The following PPP1R16B variants were observed in gnomAD, a reference collection of about 807,000 sequenced individuals.
PPP1R16B encodes the protein protein phosphatase 1 regulatory subunit 16B.
PPP1R16B carries 14 observed loss-of-function variants against 61.7 expected under a neutral mutation model. The observed-to-expected ratio is 0.23, with a 90% CI of 0.15 to 0.35. PPP1R16B has a LOEUF of 0.35. Among genes scored for constraint, PPP1R16B ranks in the 10% least tolerant of loss-of-function variants. The pLI, the probability that PPP1R16B is intolerant of heterozygous loss-of-function variation, is 1.00. For synonymous variants in PPP1R16B, 266 were observed against 305.3 expected (o/e 0.87, Z 1.34); for missense variants, 547 against 752.5 (o/e 0.73, Z 3.19).
At chr20:38,811,954 C>T (rs1453596595) in intron 1 of PPP1R16B, among the ~76,000 whole-genome samples, 4 of 152,172 alleles carry the variant, frequency 2.6e-5, no homozygotes, top group Non-Finnish European at 4.4e-5. Context: ...AGTTGGCCAG[C>T]GTGATCAGCA....
chr20:38,904,266 T>A (rs1254886185), intron 6 of PPP1R16B, among the ~76,000 whole-genome samples: 2 of 152,128 alleles, frequency 1.3e-5, no homozygotes, highest in African/African-American at 4.8e-5. Context: ...TGTCATTGGG[T>A]CCTCTAGACA....
At chr20:38,899,794 A>C (rs2085377166) in intron 4 of PPP1R16B, among the ~76,000 whole-genome samples, 1 of 151,444 alleles carries the variant, frequency 6.6e-6, no homozygotes, top group African/African-American at 2.4e-5. Flanking sequence ...AACCTGTCTG[A>C]GTCTTTTTTT....
intron 2 of PPP1R16B, among the ~76,000 whole-genome samples, chr20:38,873,747 T>G (rs1002830212): frequency 4.0e-5 from 6 of 150,556 alleles, no homozygotes; most frequent in African/African-American, 9.8e-5. Context: ...TTTTTTGTTT[T>G]TTTTTTTTTG....
intron 2 of PPP1R16B, among the ~76,000 whole-genome samples, chr20:38,850,080 T>C (rs957430662): frequency 7.9e-5 from 12 of 152,238 alleles, no homozygotes; most frequent in African/African-American, 2.9e-4. Flanking sequence ...GAAATGTCTC[T>C]GAGAAGACGA....
chr20:38,868,905 TTAAAA>T (rs1183387700), intron 2 of PPP1R16B, among the ~76,000 whole-genome samples: 1 of 152,224 alleles, frequency 6.6e-6, no homozygotes, highest in Non-Finnish European at 1.5e-5. Flanking sequence ...AAATATATCA[TTAAAA>T]TATCACCTGT....
chr20:38,900,534 A>T (rs747748949), intron 4 of PPP1R16B, 47 bp from the exon 5 acceptor site: 1 of 1,519,406 alleles, frequency 6.6e-7, no homozygotes, highest in Non-Finnish European at 9.0e-7. Flanking sequence ...AGCTAGACCA[A>T]CCCTAGCCAC....
chr20:38,896,286 T>C lies in PPP1R16B; in HGVS notation c.467+576T>C, dbSNP rs1327914990. Among the ~76,000 whole-genome samples the C allele has an allele frequency of 2.8e-5, 4 of 144,074 alleles. No individual in the cohort carries two copies. The Admixed American group carries it at 2.8e-4, about 10-fold the overall frequency. The allele number at this position is 144,074 out of a possible 152,430, so 94.5% of individuals were successfully genotyped here. On this transcript the variant is annotated intron_variant, in intron 4 of 10. Coordinates refer to ENST00000299824, the MANE Select transcript of PPP1R16B (RefSeq NM_015568.4). ...CCTTTCTTCTTTCTTCCCTTCCTCC[T>C]TCCCTCCTTTTCTGCTTTTCTTCCT... is the stretch of plus-strand genomic sequence containing the variant.
In PPP1R16B at chr20:38,918,542, C is replaced by T. The variant is rs570477795; in HGVS notation, c.1580C>T (p.Pro527Leu). 1.1e-5 allele frequency: 18 copies of T among 1,576,250 alleles called. No individual in the cohort carries two copies. Among genetic ancestry groups the T allele is most frequent in the African/African-American group, 5.4e-5 (4 of 74,038 alleles). ...KAPLIGGRTS[P>L]YSSNGTSVYY... ...CCCTTGATCGGAGGCAGAACTTCACCGTACAGCAGCAATGGGACCTCGGTA... is the reference window on the plus strand; with the variant it reads ...CCCTTGATCGGAGGCAGAACTTCACTGTACAGCAGCAATGGGACCTCGGTA... Residue 527 changes from proline to leucine, a missense_variant, in exon 11 of 11, where the codon CCG (proline) becomes CTG (leucine). Coordinates refer to ENST00000299824, the MANE Select transcript of PPP1R16B (RefSeq NM_015568.4). The surrounding 1 kb of genome is among the most constrained non-coding windows in gnomAD (Gnocchi z 5.3).
intron 2 of PPP1R16B, among the ~76,000 whole-genome samples, chr20:38,867,338 G>C (rs1395058433): frequency 6.6e-6 from 1 of 152,198 alleles, no homozygotes; most frequent in Non-Finnish European, 1.5e-5. Flanking sequence ...ATCCACCAGG[G>C]ACAGATGAGC....
intron 2 of PPP1R16B, among the ~76,000 whole-genome samples, chr20:38,880,678 A>G (rs915443758): frequency 5.3e-5 from 8 of 152,210 alleles, no homozygotes; most frequent in Middle Eastern, 3.2e-3. Flanking sequence ...AAAGAAAAAA[A>G]TACTATTCCA....
intron 2 of PPP1R16B, among the ~76,000 whole-genome samples, chr20:38,837,607 G>A (rs1205564416): frequency 2.0e-5 from 3 of 149,688 alleles, no homozygotes; most frequent in African/African-American, 7.4e-5. Context: ...GTGCAGCGGT[G>A]TAATCTCGGC....
intron 2 of PPP1R16B, among the ~76,000 whole-genome samples, chr20:38,888,562 T>C (rs1369121665): frequency 6.6e-6 from 1 of 152,070 alleles, no homozygotes; most frequent in Non-Finnish European, 1.5e-5. Context: ...TTGGGTGGAC[T>C]CGTCCCACTG....
chr20:38,915,916 A>G (rs923052546), intron 10 of PPP1R16B, among the ~76,000 whole-genome samples: 1 of 151,922 alleles, frequency 6.6e-6, no homozygotes, highest in African/African-American at 2.4e-5. Flanking sequence ...GCAGGCCCCA[A>G]CCCAGACCTA....
At chr20:38,864,994 G>C (rs767827452) in intron 2 of PPP1R16B, among the ~76,000 whole-genome samples, 2 of 152,200 alleles carry the variant, frequency 1.3e-5, no homozygotes, top group Admixed American at 6.5e-5. Context: ...GAATCATGCC[G>C]GTGGCCTCGG....
At chr20:38,852,564 A>T (rs2084975871) in intron 2 of PPP1R16B, among the ~76,000 whole-genome samples, 1 of 152,096 alleles carries the variant, frequency 6.6e-6, no homozygotes, top group South Asian at 2.1e-4. Context: ...AACCACAATG[A>T]CACTCAACCA....
At chr20:38,847,669 T>A (rs1455381673) in intron 2 of PPP1R16B, among the ~76,000 whole-genome samples, 1 of 152,212 alleles carries the variant, frequency 6.6e-6, no homozygotes, top group African/African-American at 2.4e-5. Context: ...TTTGTTCATT[T>A]TTTTTACTAG....
chr20:38,813,764 CATCATTATTATTATTATT>C (rs1450589792), intron 1 of PPP1R16B, among the ~76,000 whole-genome samples: 1 of 132,772 alleles, frequency 7.5e-6, no homozygotes, highest in Non-Finnish European at 1.6e-5. Flanking sequence ...TCATCATCAT[CATCATTATTATTATTATT>C]ATTATTATTA....
At chr20:38,850,983 A>AG (rs397756374) in intron 2 of PPP1R16B, among the ~76,000 whole-genome samples, 1,681 of 150,922 alleles carry the variant, frequency 0.011, 21 homozygotes, top group African/African-American at 0.039. Context: ...AAAAAAAAAA[A>AG]TTGTTGAATA....
At chr20:38,876,985 G>C (rs546781234) in intron 2 of PPP1R16B, among the ~76,000 whole-genome samples, 2 of 152,088 alleles carry the variant, frequency 1.3e-5, no homozygotes, top group African/African-American at 4.8e-5. Flanking sequence ...TTCCAGTTGA[G>C]ATTCCATTGA....
Sources: allele counts gnomAD v4.1 joint callset (sites outside exome capture counted in the v4.1 genomes callset), GRCh38; gene constraint gnomAD v4.1.1; non-coding constraint Gnocchi (gnomAD v3.1); transcripts MANE v1.5; gene names NCBI Gene and HGNC (gene_info 2026-07-23, HGNC 2026-07-21).